The following UBR3 variants were observed in gnomAD, a reference collection of about 807,000 sequenced individuals.
The protein encoded by UBR3 is ubiquitin protein ligase E3 component n-recognin 3, also known as E3 ubiquitin-protein ligase UBR3.
UBR3 carries 85 observed loss-of-function variants against 243.2 expected under a neutral mutation model. The observed-to-expected ratio is 0.35, with a 90% CI of 0.29 to 0.42. The LOEUF (loss-of-function observed/expected upper bound fraction) is 0.42, where lower values mean the gene tolerates loss of function less well. UBR3 is among the 10% of genes least tolerant of loss of function. UBR3 has a pLI of 1.00. For missense variants in UBR3, 1,686 were observed against 2,300.8 expected, an observed-to-expected ratio of 0.73 and a Z score of 5.47; for synonymous variants, 748 against 799.8, an observed-to-expected ratio of 0.94 and a Z score of 1.09.
intron 19 of UBR3, among the ~76,000 whole-genome samples, chr2:169,939,546 T>G (rs528917819): frequency 5.3e-5 from 8 of 151,738 alleles, no homozygotes; most frequent in African/African-American, 1.9e-4. Flanking sequence ...GGATTACAGG[T>G]GTGAGCCATC....
intron 19 of UBR3, among the ~76,000 whole-genome samples, chr2:169,934,973 A>G (rs2086269092): frequency 6.6e-6 from 1 of 152,276 alleles, no homozygotes; most frequent in Non-Finnish European, 1.5e-5. Flanking sequence ...AGCGAGTGAA[A>G]GTGGCTCATC....
intron 27 of UBR3, among the ~76,000 whole-genome samples, chr2:170,005,769 T>A (rs998929877): frequency 6.6e-6 from 1 of 152,080 alleles, no homozygotes; most frequent in African/African-American, 2.4e-5. Flanking sequence ...TGTATACATA[T>A]ATAGTGAAAC....
intron 5 of UBR3, among the ~76,000 whole-genome samples, chr2:169,890,637 T>C (rs964674365): frequency 1.5e-5 from 2 of 134,832 alleles, no homozygotes; most frequent in Non-Finnish European, 3.3e-5. Context: ...TATTTCCTTT[T>C]TGGATTTTTT....
chr2:169,941,075 C>T (rs916695570), intron 19 of UBR3, among the ~76,000 whole-genome samples: 5 of 152,178 alleles, frequency 3.3e-5, no homozygotes, highest in Non-Finnish European at 7.3e-5. Context: ...AGCAGATATT[C>T]CTCCTTCTGA....
chr2:169,856,946 C>T (rs960215342), intron 1 of UBR3, among the ~76,000 whole-genome samples: 4 of 149,824 alleles, frequency 2.7e-5, no homozygotes, highest in Non-Finnish European at 4.4e-5. Context: ...GTGTTTCAGT[C>T]TAGTTTTCTT....
intron 33 of UBR3, among the ~76,000 whole-genome samples, chr2:170,057,754 A>C (rs1174971903): frequency 6.6e-6 from 1 of 152,158 alleles, no homozygotes; most frequent in East Asian, 1.9e-4. Flanking sequence ...GATTCTTATC[A>C]GAACATTAAT....
intron 28 of UBR3, among the ~76,000 whole-genome samples, chr2:170,008,048 T>G (rs1422359753): frequency 1.3e-5 from 2 of 152,182 alleles, no homozygotes; most frequent in African/African-American, 2.4e-5. Flanking sequence ...GTATGTGTAT[T>G]CGAGAGATAA....
At chr2:170,049,183 T>TG (rs2091159273) in intron 32 of UBR3, among the ~76,000 whole-genome samples, 3 of 152,228 alleles carry the variant, frequency 2.0e-5, no homozygotes, top group African/African-American at 7.2e-5. Flanking sequence ...CCAATAACAC[T>TG]GTCAATTAAC....
chr2:169,972,781 A>G (rs966342268), intron 24 of UBR3, among the ~76,000 whole-genome samples: 17 of 151,816 alleles, frequency 1.1e-4, no homozygotes, highest in African/African-American at 2.4e-4. Flanking sequence ...AATAAGAAAT[A>G]TCTATGACAA....
chr2:169,959,427 C>T (rs774885943), intron 24 of UBR3, among the ~76,000 whole-genome samples: 3 of 151,654 alleles, frequency 2.0e-5, no homozygotes, highest in Non-Finnish European at 2.9e-5. Flanking sequence ...TGACTTTCCA[C>T]TTGTGGCATC....
At chr2:169,927,079 T>C in intron 16 of UBR3, 108 bp downstream of exon 16, 1 of 1,306,670 alleles carries the variant, frequency 7.7e-7, no homozygotes, top group East Asian at 2.5e-5. Context: ...TGTAGATAAA[T>C]GTAAACAATG....
chr2:169,859,178 TCTC>T (rs1284163036), intron 1 of UBR3, among the ~76,000 whole-genome samples: 1 of 149,406 alleles, frequency 6.7e-6, no homozygotes, highest in Non-Finnish European at 1.5e-5. Flanking sequence ...GCTCCACCAT[TCTC>T]CTGCTTCAGC....
chr2:169,882,071 A>C (rs1434163762), intron 5 of UBR3, among the ~76,000 whole-genome samples: 4 of 126,264 alleles, frequency 3.2e-5, no homozygotes, highest in Non-Finnish European at 6.2e-5. Context: ...CATATAATAT[A>C]ATTATATATG....
chr2:169,909,425 A>G (rs1317044715), intron 10 of UBR3, among the ~76,000 whole-genome samples: 1 of 152,168 alleles, frequency 6.6e-6, no homozygotes. Context: ...AATTGATCTC[A>G]CTTATATGTA....
intron 27 of UBR3, among the ~76,000 whole-genome samples, chr2:170,005,916 C>G (rs951451023): frequency 5.9e-5 from 9 of 152,172 alleles, no homozygotes; most frequent in African/African-American, 2.2e-4. Context: ...GCCACAAAGA[C>G]AAGGGAATGC....
intron 24 of UBR3, among the ~76,000 whole-genome samples, chr2:169,969,135 G>T (rs961773038): frequency 6.6e-6 from 1 of 152,152 alleles, no homozygotes; most frequent in Non-Finnish European, 1.5e-5. Context: ...CTCTCATACT[G>T]TAGGTTGTCT....
At chr2:169,882,340 ATATATATGTAAATATATAT>A (rs61714016) in intron 5 of UBR3, among the ~76,000 whole-genome samples, 80,924 of 135,774 alleles carry the variant, frequency 0.6, 25,781 homozygotes, top group East Asian at 0.81. Flanking sequence ...GTATTATATA[ATATATATGTAAATATATAT>A]TATATATGTA....
At chr2:170,035,132 A>G (rs2090789970) in intron 31 of UBR3, among the ~76,000 whole-genome samples, 1 of 151,806 alleles carries the variant, frequency 6.6e-6, no homozygotes, top group Non-Finnish European at 1.5e-5. Context: ...TTGTCTTCTC[A>G]TTGTCTTGAC....
intron 23 of UBR3, among the ~76,000 whole-genome samples, chr2:169,952,378 C>A (rs1428673433): frequency 6.6e-6 from 1 of 152,046 alleles, no homozygotes; most frequent in Non-Finnish European, 1.5e-5. Flanking sequence ...GGAGGTCATC[C>A]GTTGGTACCT....
Sources: gnomAD v4.1 joint callset for allele counts (sites outside exome capture counted in the v4.1 genomes callset) on GRCh38, gnomAD v4.1.1 for gene constraint, MANE v1.5 for transcripts, NCBI Gene and HGNC (gene_info 2026-07-23, HGNC 2026-07-21) for gene names.